Variants in CPXM2 observed in about 807,000 individuals in gnomAD.
CPXM2 encodes inactive carboxypeptidase-like protein X2.
CPXM2 carries 66 observed loss-of-function variants against 86.1 expected under a neutral mutation model. The observed-to-expected ratio is 0.77, with a 90% CI of 0.63 to 0.94. The LOEUF (loss-of-function observed/expected upper bound fraction) is 0.94. Ranked by LOEUF, CPXM2 falls within the 40% of genes least tolerant of loss-of-function variation. The probability of loss-of-function intolerance (pLI) is 0.00; values close to 1 mark genes in which losing one functional copy is unlikely to be tolerated. For missense variants in CPXM2, 948 were observed against 1,026.3 expected (o/e 0.92, Z 1.04); for synonymous variants, 388 against 400.2 (o/e 0.97, Z 0.36).
intron 2 of CPXM2, among the ~76,000 whole-genome samples, chr10:123,927,188 G>T (rs993918565): frequency 1.2e-4 from 18 of 152,176 alleles, no homozygotes; most frequent in African/African-American, 4.1e-4. Flanking sequence ...TTCAAAGGTT[G>T]CTCCCTTTAC....
chr10:123,928,650 C>T (rs1392145935), intron 2 of CPXM2, among the ~76,000 whole-genome samples: 1 of 152,216 alleles, frequency 6.6e-6, no homozygotes, highest in Non-Finnish European at 1.5e-5. Context: ...GAAGCCCAAG[C>T]AGCCACACGG....
chr10:123,827,941 A>G (rs1848081912), intron 4 of CPXM2, among the ~76,000 whole-genome samples: 2 of 152,148 alleles, frequency 1.3e-5, no homozygotes, highest in South Asian at 4.1e-4. Flanking sequence ...AGGCAGGTGG[A>G]TTACCTAAGC....
chr10:123,779,819 C>T (rs1057020153), intron 7 of CPXM2, among the ~76,000 whole-genome samples: 1 of 152,138 alleles, frequency 6.6e-6, no homozygotes, highest in African/African-American at 2.4e-5. Flanking sequence ...CTATTATTAT[C>T]TATGTCATCC....
chr10:123,836,135 C>T (rs61863837), intron 4 of CPXM2, among the ~76,000 whole-genome samples: 11,919 of 152,056 alleles, frequency 0.078, 939 homozygotes, highest in African/African-American at 0.2. Flanking sequence ...ATCCCCGCAA[C>T]GGGGATGGTG....
intron 4 of CPXM2, 99 bp from the exon 5 acceptor site, chr10:123,799,298 T>C (rs1186434980): frequency 9.8e-6 from 14 of 1,425,918 alleles, no homozygotes; most frequent in Non-Finnish European, 1.4e-5. Context: ...CAGAGGCAGA[T>C]GGCACTGGGT....
intron 2 of CPXM2, among the ~76,000 whole-genome samples, chr10:123,921,681 G>T (rs1945580476): frequency 6.6e-6 from 1 of 152,238 alleles, no homozygotes; most frequent in Non-Finnish European, 1.5e-5. Context: ...ACACCTGTGT[G>T]CTGAATAATT....
rs191524208 is a variant in CPXM2 at position 123,938,230 on chromosome 10, G to C, written n.174+1247C>G. On this transcript the variant is annotated intron_variant and non_coding_transcript_variant, in intron 2 of 19. Coordinates refer to the CPXM2 transcript ENST00000368854. ...TCAGCAGGCCTGAGGAGGGGCCTGA[G>C]ATCCTGACAATTCTGACAAGCTCCT... 2.0e-5 allele frequency among the ~76,000 whole-genome samples: 3 copies of C among 152,304 alleles called. No homozygotes were observed. The East Asian group carries it at 5.8e-4, about 29-fold the overall frequency.
chr10:123,780,062 C>T, intron 7 of CPXM2, 105 bp downstream of exon 7: 3 of 733,332 alleles, frequency 4.1e-6, no homozygotes, highest in Non-Finnish European at 7.5e-6. Flanking sequence ...CATTCAGATC[C>T]CTAATCATCA....
intron 11 of CPXM2, among the ~76,000 whole-genome samples, chr10:123,758,625 C>T (rs920666895): frequency 3.9e-5 from 6 of 152,156 alleles, no homozygotes; most frequent in African/African-American, 1.4e-4. Flanking sequence ...CTGGGGAGGC[C>T]ACCAACCCGC....
chr10:123,793,266 C>A (rs993468039), intron 6 of CPXM2, among the ~76,000 whole-genome samples: 1 of 151,842 alleles, frequency 6.6e-6, no homozygotes, highest in East Asian at 1.9e-4. Flanking sequence ...AGATCAAGAC[C>A]ATCCTGGCTG....
At chr10:123,862,506 G>T in intron 3 of CPXM2, 108 bp downstream of exon 3, 1 of 919,394 alleles carries the variant, frequency 1.1e-6, no homozygotes, top group Non-Finnish European at 1.7e-6. Context: ...CTTACTGTGA[G>T]CATCCAGGCT....
rs192489754 is a variant in CPXM2 at position 123,937,812 on chromosome 10, T to C, written n.174+1665A>G. ...TTGATCTTTCTAAAATCAAAGCCTT[T>C]AGAGAAGATGAGGGAAGGTTCAACC... is the stretch of plus-strand genomic sequence containing the variant. On this transcript the variant is annotated intron_variant and non_coding_transcript_variant, in intron 2 of 19. Transcript: ENST00000368854. 6.4e-4 allele frequency among the ~76,000 whole-genome samples: 98 copies of C among 152,234 alleles called. 1 individual carries two copies. Among genetic ancestry groups the C allele is most frequent in the African/African-American group, 2.2e-3 (93 of 41,528 alleles).
intron 2 of CPXM2, among the ~76,000 whole-genome samples, chr10:123,868,821 C>T (rs1410711441): frequency 6.6e-6 from 1 of 152,078 alleles, no homozygotes; most frequent in East Asian, 1.9e-4. Context: ...GACTGCATGG[C>T]ACTTCCCGCA....
At chr10:123,826,522 G>A (rs1848050252) in intron 4 of CPXM2, among the ~76,000 whole-genome samples, 1 of 151,972 alleles carries the variant, frequency 6.6e-6, no homozygotes, top group Non-Finnish European at 1.5e-5. Flanking sequence ...TAGAGGAAGG[G>A]GACAGGGTAT....
chr10:123,749,069 GAGCAACCAGGAC>G (rs1197403341), intron 13 of CPXM2, among the ~76,000 whole-genome samples: 1 of 152,192 alleles, frequency 6.6e-6, no homozygotes, highest in Non-Finnish European at 1.5e-5. Flanking sequence ...GGAGAGAAGT[GAGCAACCAGGAC>G]AGCATGTGGC....
Position 123,862,607 on chromosome 10 carries a change from C to T in CPXM2, c.513+7G>A. On this transcript the variant is annotated splice_region_variant and intron_variant, in intron 3 of 13. Coordinates refer to ENST00000241305, the MANE Select transcript of CPXM2 (RefSeq NM_198148.3). ...GTCAAAATCCTTCCAACCACAGGGC[C>T]AGGTACCTGGATGTTGAGTCTCCCT... 1 of 1,613,048 alleles carries T rather than the reference C, an allele frequency of 6.2e-7. No homozygotes were observed. Among genetic ancestry groups the T allele is most frequent in the East Asian group, 2.2e-5 (1 of 44,874 alleles).
At chr10:123,848,082 A>G (rs1848534235) in intron 3 of CPXM2, among the ~76,000 whole-genome samples, 1 of 152,232 alleles carries the variant, frequency 6.6e-6, no homozygotes. Flanking sequence ...AATATTTTTG[A>G]GAAAAAAATT....
chr10:123,751,441 G>A, intron 13 of CPXM2: 1 of 918,526 alleles, frequency 1.1e-6, no homozygotes, highest in Non-Finnish European at 1.3e-6. Context: ...GACCTTCTAA[G>A]AAGGTTTGCG....
chr10:123,873,251 TAA>T (rs897047701), intron 2 of CPXM2, among the ~76,000 whole-genome samples: 6 of 146,792 alleles, frequency 4.1e-5, no homozygotes, highest in Non-Finnish European at 6.0e-5. Flanking sequence ...AGTCTACCAA[TAA>T]AGAGTAGAAA....
Sources: gnomAD v4.1 joint callset for allele counts (sites outside exome capture counted in the v4.1 genomes callset) on GRCh38, gnomAD v4.1.1 for gene constraint, MANE v1.5 for transcripts, NCBI Gene and HGNC (gene_info 2026-07-23, HGNC 2026-07-21) for gene names.